The following BCAT1 variants were observed in gnomAD, a reference collection of about 807,000 sequenced individuals.
The protein encoded by BCAT1 is branched chain amino acid transaminase 1.
In BCAT1, 48 loss-of-function variants were observed where a neutral mutation model predicts 52.4. The ratio of observed to expected loss-of-function variants is 0.92; its 90% CI spans 0.73 to 1.16. The LOEUF (loss-of-function observed/expected upper bound fraction) is 1.16, where lower values mean the gene tolerates loss of function less well. Among genes scored for constraint, BCAT1 ranks in the 50% most tolerant of loss-of-function variants. The pLI is 0.00. For missense variants in BCAT1, 451 were observed against 457.1 expected, an observed-to-expected ratio of 0.99 and a Z score of 0.12; for synonymous variants, 167 against 161.3, an observed-to-expected ratio of 1.04 and a Z score of -0.27.
chr12:24,933,109 CTTTTTTTTTTTT>C (rs57512325), intron 1 of BCAT1, among the ~76,000 whole-genome samples: 1 of 68,528 alleles, frequency 1.5e-5, no homozygotes, highest in Non-Finnish European at 2.5e-5. Context: ...CACGCCTGGC[CTTTTTTTTTTTT>C]TTTTTTTTTT....
At chr12:24,918,288 C>T (rs973385754) in intron 1 of BCAT1, among the ~76,000 whole-genome samples, 4 of 152,200 alleles carry the variant, frequency 2.6e-5, no homozygotes, top group African/African-American at 9.7e-5. Context: ...TAAGAACCAT[C>T]GGGTGCCTGA....
chr12:24,824,082 C>T (rs1017242000), intron 10 of BCAT1, among the ~76,000 whole-genome samples: 5 of 152,142 alleles, frequency 3.3e-5, no homozygotes, highest in African/African-American at 1.2e-4. Context: ...CCTAGAGTTT[C>T]CTTCCTCAGT....
chr12:24,860,206 G>C (rs577721428), intron 5 of BCAT1, among the ~76,000 whole-genome samples: 1 of 152,218 alleles, frequency 6.6e-6, no homozygotes, highest in Non-Finnish European at 1.5e-5. Context: ...ATTTTGTAAA[G>C]TGTGCCATTA....
rs1165612754 is a variant in BCAT1 at position 24,817,894 on chromosome 12, A to G, written c.*114T>C. On this transcript the variant is annotated 3_prime_UTR_variant, in exon 11 of 11. Transcript: ENST00000261192. ...ACTCTTGTAACACATTGATACTACA[A>G]ACTACATTATGCACAGGTAGCCAAA... 1.8e-6 allele frequency: 2 copies of G among 1,091,460 alleles called. No homozygotes were observed. The highest frequency in any genetic ancestry group is 1.4e-6 in the Non-Finnish European group (1 of 727,638). The allele number at this position is 1,091,460 out of a possible 1,614,324, so 67.6% of individuals were successfully genotyped here. A position where few individuals can be genotyped will look rare whatever the true frequency, so the allele number is the denominator to read the frequency against.
chr12:24,931,320 T>C (rs10842429), intron 1 of BCAT1, among the ~76,000 whole-genome samples: 25,391 of 152,016 alleles, frequency 0.17, 2,289 homozygotes, highest in East Asian at 0.3. Context: ...ACCTCAAAAA[T>C]TGGACACTAG....
At chr12:24,919,615 C>G (rs1444532152) in intron 1 of BCAT1, among the ~76,000 whole-genome samples, 1 of 152,164 alleles carries the variant, frequency 6.6e-6, no homozygotes, top group Non-Finnish European at 1.5e-5. Flanking sequence ...TAGGTAGACC[C>G]TATAATATAC....
chr12:24,894,281 T>C lies in BCAT1; in HGVS notation c.273A>G (p.Ala91=). The part of the protein sequence containing the change: ...LHPGSSALHY[A]VELFEGLKAF... Reference sequence around the variant, plus strand: ...TTAATTCCCATGTACTTACTTCCACTGCATAGTGCAAAGCTGATGAGCCAG... The same window carrying C: ...TTAATTCCCATGTACTTACTTCCACCGCATAGTGCAAAGCTGATGAGCCAG... Residue 91 remains alanine (A), a synonymous_variant, in exon 3 of 11, where the codon GCA becomes GCG. Coordinates refer to ENST00000261192, the MANE Select transcript of BCAT1 (RefSeq NM_005504.7). 1 of 1,613,908 alleles carries C rather than the reference T, an allele frequency of 6.2e-7. No individual in the cohort carries two copies. The highest frequency in any genetic ancestry group is 1.7e-5 in the Admixed American group (1 of 60,018).
At chr12:24,887,252 T>C (rs112704233) in intron 3 of BCAT1, among the ~76,000 whole-genome samples, 2 of 151,204 alleles carry the variant, frequency 1.3e-5, no homozygotes, top group Admixed American at 6.6e-5. Context: ...AGACCCCTTG[T>C]AGCACAGGGC....
At position 24,924,905 on chromosome 12, in the gene BCAT1, A is replaced by G. The variant is rs1943555858; in HGVS notation, c.7-23020T>C. Among the ~76,000 whole-genome samples the G allele has an allele frequency of 2.0e-5, 3 of 152,222 alleles. No individual in the cohort carries two copies. The South Asian group carries it at 6.2e-4, about 31-fold the overall frequency. ...ATAATTTATTTTCATATGATTCAGT[A>G]CTTGGGAGAAAGAGAAAGCATATAG... On this transcript the variant is annotated intron_variant, in intron 1 of 10. Transcript: ENST00000261192.
chr12:24,925,499 T>C (rs565129120), intron 1 of BCAT1, among the ~76,000 whole-genome samples: 1 of 152,306 alleles, frequency 6.6e-6, no homozygotes, highest in East Asian at 1.9e-4. Context: ...TATGCCCTAT[T>C]GGTTCTGTTT....
intron 1 of BCAT1, among the ~76,000 whole-genome samples, chr12:24,931,733 G>C (rs1943678399): frequency 6.6e-6 from 1 of 152,148 alleles, no homozygotes. Context: ...GGCATGTAAG[G>C]AATCAAAACA....
rs78698706 is a variant in BCAT1, at chr12:24,813,422, C to T, written c.*4586G>A. 1 of 151,988 alleles carries T rather than the reference C, an allele frequency of 6.6e-6. No individual in the cohort carries two copies. The highest frequency in any genetic ancestry group is 1.5e-5 in the Non-Finnish European group (1 of 67,906). The allele number at this position is 151,988 out of a possible 1,614,324, so 9.4% of individuals were successfully genotyped here. On this transcript the variant is annotated 3_prime_UTR_variant, in exon 11 of 11. Transcript: ENST00000261192. The stretch of plus-strand genomic sequence containing the variant: ...TGGATCCATCACCTTCAAGCTAATA[C>T]TTTAAACAGCATGGTTCATAATAGA...
In BCAT1 at chr12:24,833,545, A is replaced by G. The variant is rs771535573; in HGVS notation, c.904-682T>C. 1.6e-3 allele frequency among the ~76,000 whole-genome samples: 248 copies of G among 152,176 alleles called. 2 individuals are homozygous for G. Among genetic ancestry groups the G allele is most frequent in the East Asian group, 9.6e-4 (5 of 5,192 alleles). On this transcript the variant is annotated intron_variant, in intron 8 of 10. Transcript: ENST00000261192. ...AAAAACAAAACAAAACAAAAAAATC[A>G]GTGTCTTAAAACCTACTTTACCATA...
chr12:24,818,045 C>T lies in BCAT1; in HGVS notation c.1124G>A (p.Gly375Glu). The change falls in exon 11 of 11, where the codon GGA becomes GAA. Residue 375 changes from glycine (G) to glutamate (E), a missense_variant. By Grantham distance (98) the Gly-to-Glu change is moderately conservative. Coordinates refer to ENST00000261192, the MANE Select transcript of BCAT1 (RefSeq NM_005504.7). ...ILSKLTDIQYGREESDWTIVL... is the reference protein window; with the variant it reads ...ILSKLTDIQYEREESDWTIVL... Reference sequence around the variant, plus strand: ...AATTGTCCAGTCGCTCTCTTCTCTTCCATACTGCAACAAAAGCAAGAAAAC... The same window carrying T: ...AATTGTCCAGTCGCTCTCTTCTCTTTCATACTGCAACAAAAGCAAGAAAAC... The T allele has an allele frequency of 6.2e-7, 1 of 1,613,042 alleles. No homozygotes were observed. The highest frequency in any genetic ancestry group is 8.5e-7 in the Non-Finnish European group (1 of 1,179,358).
intron 8 of BCAT1, among the ~76,000 whole-genome samples, chr12:24,835,784 T>C (rs1264713275): frequency 6.6e-6 from 1 of 151,926 alleles, no homozygotes; most frequent in East Asian, 1.9e-4. Flanking sequence ...AGATTCGGGG[T>C]CTCACTATGT....
rs1406745144 is a variant in BCAT1 at position 24,887,081 on chromosome 12, ATAT to A, written c.280-5673_280-5671del. ...CTAGCTAAAAAAAAAAAAAAAAAAA[ATAT>A]ATATATATATATATATATATATATA... On this transcript the variant is annotated intron_variant, in intron 3 of 10. Transcript: ENST00000261192. Among the ~76,000 whole-genome samples the A allele has an allele frequency of 5.7e-3, 243 of 42,742 alleles. 3 individuals are homozygous for A. Among genetic ancestry groups the A allele is most frequent in the African/African-American group, 0.014 (182 of 12,876 alleles). The allele number at this position is 42,742 out of a possible 152,430, so 28.0% of individuals were successfully genotyped here. A position where few individuals can be genotyped will look rare whatever the true frequency, so the allele number is the denominator to read the frequency against.
At chr12:24,921,569 C>T (rs1019603025) in intron 1 of BCAT1, among the ~76,000 whole-genome samples, 5 of 152,116 alleles carry the variant, frequency 3.3e-5, no homozygotes, top group African/African-American at 4.8e-5. Flanking sequence ...CAATATATGC[C>T]AGTCTCAATT....
rs183314059 is a variant in BCAT1 at position 24,813,268 on chromosome 12, T to A, written c.*4740A>T. The A allele has an allele frequency of 4.3e-4, 65 of 152,128 alleles. 1 individual carries two copies. Among genetic ancestry groups the A allele is most frequent in the Non-Finnish European group, 4.4e-5 (3 of 67,890 alleles). The allele number at this position is 152,128 out of a possible 1,614,324, so 9.4% of individuals were successfully genotyped here. The stretch of plus-strand genomic sequence containing the variant: ...ATGTATGCTGAAGAGAAAAAATAAA[T>A]CACTTTCTTCCACCTTTGAATCTTT... On this transcript the variant is annotated 3_prime_UTR_variant, in exon 11 of 11. Transcript: ENST00000261192.
chr12:24,870,474 C>A (rs558383973), intron 5 of BCAT1, among the ~76,000 whole-genome samples: 8 of 152,160 alleles, frequency 5.3e-5, no homozygotes, highest in Non-Finnish European at 1.0e-4. Flanking sequence ...TAACCATTCC[C>A]ACTTCTTCAC....
Sources: allele counts gnomAD v4.1 joint callset (sites outside exome capture counted in the v4.1 genomes callset), GRCh38; gene constraint gnomAD v4.1.1; transcripts MANE v1.5; gene names NCBI Gene and HGNC (gene_info 2026-07-23, HGNC 2026-07-21).